GALM: variants seen among roughly 807,000 people sequenced by gnomAD.
GALM encodes the protein galactose mutarotase, also known as aldose 1-epimerase.
A neutral mutation model predicts 37.4 loss-of-function variants in GALM; 43 were observed. The ratio of observed to expected loss-of-function variants is 1.15; its 90% confidence interval spans 0.90 to 1.48. The LOEUF is 1.48. GALM is among the 40% of genes most tolerant of loss of function. GALM has a pLI of 0.00. For synonymous variants in GALM, 199 were observed against 170.6 expected, an observed-to-expected ratio of 1.17 and a Z score of -1.30; for missense variants, 456 against 419.1, an observed-to-expected ratio of 1.09 and a Z score of -0.77.
chr2:38,697,148 A>G (rs1470052803), intron 4 of GALM, among the ~76,000 whole-genome samples: 1 of 152,172 alleles, frequency 6.6e-6, no homozygotes, highest in Non-Finnish European at 1.5e-5. Flanking sequence ...ACTGTGTCTG[A>G]AAAAGTGGCT....
chr2:38,718,552 C>G (rs1205705907), intron 4 of GALM, among the ~76,000 whole-genome samples: 1 of 151,844 alleles, frequency 6.6e-6, no homozygotes, highest in Non-Finnish European at 1.5e-5. Context: ...TTCTTTCCTA[C>G]TCATTTCCCA....
intron 4 of GALM, among the ~76,000 whole-genome samples, chr2:38,698,744 G>A (rs1342471817): frequency 1.3e-5 from 2 of 152,154 alleles, no homozygotes; most frequent in Non-Finnish European, 2.9e-5. Context: ...TGCAGTGCCA[G>A]ATCCCTGTGC....
chr2:38,675,637 C>T (rs1434294607), intron 1 of GALM, among the ~76,000 whole-genome samples: 3 of 147,952 alleles, frequency 2.0e-5, no homozygotes, highest in Non-Finnish European at 3.0e-5. Flanking sequence ...GGCGCGGTCT[C>T]GGCTCACTGC....
At chr2:38,728,614 G>A (rs149223351) in intron 4 of GALM, among the ~76,000 whole-genome samples, 83 of 152,328 alleles carry the variant, frequency 5.4e-4, no homozygotes, top group African/African-American at 1.9e-3. Context: ...GAACCCAGGA[G>A]GCGGAGGTTG....
chr2:38,698,279 G>A lies in GALM; in HGVS notation c.634+8385G>A, dbSNP rs1665850233. Reference sequence around the variant, plus strand: ...CCTAACTTCTAAAGCTACCTCTGTAGATGAAATTCCGGCACTTAGGAGTCA... The same window carrying A: ...CCTAACTTCTAAAGCTACCTCTGTAAATGAAATTCCGGCACTTAGGAGTCA... On this transcript the variant is annotated intron_variant, in intron 4 of 6. Coordinates refer to ENST00000272252, the MANE Select transcript of GALM (RefSeq NM_138801.3). 5.8e-6 allele frequency: 3 copies of A among 513,116 alleles called. No individual in the cohort carries two copies. In the African/African-American group the frequency reaches 6.1e-5, roughly 10 times the overall value. The allele number at this position is 513,116 out of a possible 1,614,324, so 31.8% of individuals were successfully genotyped here.
rs779305951 is a variant in GALM at position 38,719,039 on chromosome 2, G to A, written c.635-10517G>A. 2.0e-5 allele frequency among the ~76,000 whole-genome samples: 3 copies of A among 151,818 alleles called. 1 individual carries two copies. Among genetic ancestry groups the A allele is most frequent in the South Asian group, 4.2e-4 (2 of 4,712 alleles). On this transcript the variant is annotated intron_variant, in intron 4 of 6. Transcript: ENST00000272252. ...TCTTCCCCCTCAAAATTAAGTTAGC[G>A]CTAGGAGCCTGTAGAATGTGTGTGG...
intron 6 of GALM, 114 bp from the exon 7 acceptor site, chr2:38,733,374 C>T (rs933217845): frequency 2.4e-6 from 2 of 841,840 alleles, no homozygotes; most frequent in Non-Finnish European, 4.2e-6. Context: ...ACAGTTCCCG[C>T]ACTGGCAGCC....
chr2:38,672,712 A>C (rs1405565260), intron 1 of GALM, among the ~76,000 whole-genome samples: 4 of 152,098 alleles, frequency 2.6e-5, no homozygotes, highest in African/African-American at 7.2e-5. Context: ...AAACGTTCTG[A>C]GTATGAAATG....
At chr2:38,711,234 A>C (rs1192563005) in intron 4 of GALM, among the ~76,000 whole-genome samples, 31 of 147,036 alleles carry the variant, frequency 2.1e-4, no homozygotes, top group African/African-American at 7.8e-4. Flanking sequence ...ATCTCAGCTC[A>C]CTGCAACCTC....
chr2:38,681,270 T>C lies in GALM; in HGVS notation c.346-10T>C. 1 of 1,611,092 alleles carries C rather than the reference T, an allele frequency of 6.2e-7. No individual in the cohort carries two copies. The highest frequency in any genetic ancestry group is 1.1e-5 in the South Asian group (1 of 90,972). The stretch of plus-strand genomic sequence containing the variant: ...AGCAACTACACAACTTTGAAAACAC[T>C]TTTTTCCAGGTGCTCTGGACCCCTC... On this transcript the variant is annotated splice_polypyrimidine_tract_variant and intron_variant, in intron 2 of 6. Transcript: ENST00000272252.
chr2:38,677,178 C>G (rs554744722), intron 2 of GALM, among the ~76,000 whole-genome samples: 1 of 152,340 alleles, frequency 6.6e-6, no homozygotes, highest in Middle Eastern at 3.4e-3. Context: ...TGATTGCTCT[C>G]TTACTAGTCT....
At chr2:38,697,365 A>G (rs566945292) in intron 4 of GALM, among the ~76,000 whole-genome samples, 1 of 152,296 alleles carries the variant, frequency 6.6e-6, no homozygotes, top group African/African-American at 2.4e-5. Context: ...CTCAGATTGT[A>G]TCTTTCTGCA....
intron 1 of GALM, chr2:38,671,257 G>T (rs967621588): frequency 5.3e-5 from 8 of 152,146 alleles, no homozygotes; most frequent in African/African-American, 1.9e-4. Context: ...TTGTAATTCC[G>T]ATTTGATGTG....
intron 5 of GALM, among the ~76,000 whole-genome samples, chr2:38,730,558 C>A (rs6736004): frequency 6.6e-6 from 1 of 151,854 alleles, no homozygotes; most frequent in Admixed American, 6.6e-5. Flanking sequence ...AGCCACTGCA[C>A]CCGGTCAACA....
chr2:38,708,038 C>T (rs994187562), intron 4 of GALM, among the ~76,000 whole-genome samples: 9 of 151,820 alleles, frequency 5.9e-5, no homozygotes, highest in African/African-American at 1.5e-4. Context: ...AGCTGGGAGA[C>T]GGAGGTTGCA....
intron 1 of GALM, among the ~76,000 whole-genome samples, chr2:38,673,606 C>G (rs953421339): frequency 5.1e-4 from 77 of 152,058 alleles, no homozygotes; most frequent in African/African-American, 1.7e-3. Context: ...GTCAGGAGAT[C>G]GAGACCATCC....
At chr2:38,676,890 C>T (rs558644192) in intron 2 of GALM, among the ~76,000 whole-genome samples, 1 of 152,334 alleles carries the variant, frequency 6.6e-6, no homozygotes, top group Admixed American at 6.5e-5. Flanking sequence ...TGCATGGGTG[C>T]CCCCGTCCAA....
At chr2:38,669,036 TG>T (rs1213449847) in intron 1 of GALM, 2 of 138,480 alleles carry the variant, frequency 1.4e-5, no homozygotes, top group African/African-American at 6.5e-5. Context: ...AGTTTCTCCC[TG>T]GGAAAATGGG....
chr2:38,720,531 T>A (rs375278366), intron 4 of GALM, among the ~76,000 whole-genome samples: 1 of 151,410 alleles, frequency 6.6e-6, no homozygotes, highest in Non-Finnish European at 1.5e-5. Context: ...AAACATCACC[T>A]CTTAGATGCT....
Sources: allele counts gnomAD v4.1 joint callset (sites outside exome capture counted in the v4.1 genomes callset), GRCh38; gene constraint gnomAD v4.1.1; transcripts MANE v1.5; gene names NCBI Gene and HGNC (gene_info 2026-07-23, HGNC 2026-07-21).